MCTP1: variants seen among roughly 807,000 people sequenced by gnomAD.
MCTP1 encodes the protein multiple C2 and transmembrane domain containing 1.
A neutral mutation model predicts 120.6 loss-of-function variants in MCTP1; 69 were observed. The observed-to-expected ratio is 0.57, with a 90% CI of 0.47 to 0.70. The LOEUF is 0.70. Ranked by LOEUF, MCTP1 falls within the 30% of genes least tolerant of loss-of-function variation. The probability of loss-of-function intolerance (pLI) is 0.00; values close to 1 mark genes in which losing one functional copy is unlikely to be tolerated. For missense variants in MCTP1, 1,203 were observed against 1,248.8 expected (o/e 0.96, Z 0.55); for synonymous variants, 529 against 493.1 (o/e 1.07, Z -0.96).
chr5:95,265,342 A>G (rs914105714), intron 1 of MCTP1, among the ~76,000 whole-genome samples: 5 of 152,184 alleles, frequency 3.3e-5, no homozygotes, highest in African/African-American at 9.6e-5. Flanking sequence ...GCAAGGAGCT[A>G]TAAGTTAGGC....
At chr5:95,017,189 A>G (rs1380238293) in intron 2 of MCTP1, among the ~76,000 whole-genome samples, 178 bp downstream of exon 2, 1 of 152,142 alleles carries the variant, frequency 6.6e-6, no homozygotes, top group African/African-American at 2.4e-5. Context: ...ACTTGCATCA[A>G]AACGTCTTCC....
At chr5:94,720,965 G>A (rs1003105612) in intron 19 of MCTP1, among the ~76,000 whole-genome samples, 12 of 152,264 alleles carry the variant, frequency 7.9e-5, no homozygotes, top group African/African-American at 2.9e-4. Context: ...CTGAGGCTCA[G>A]GAAAAAGTGA....
Position 94,747,222 on chromosome 5 carries a change from CTGAT to C in MCTP1, c.2610+31884_2610+31887del, listed in dbSNP as rs536417048. Among the ~76,000 whole-genome samples the C allele has an allele frequency of 1.2e-3, 176 of 152,264 alleles. 1 individual carries two copies. The highest frequency in any genetic ancestry group is 4.1e-3 in the African/African-American group (169 of 41,542). The stretch of plus-strand genomic sequence containing the variant: ...CAAGTATTTTTTCTGTAATGGAAAA[CTGAT>C]TGCTACAATTCTGACAATGGTCATG... On this transcript the variant is annotated intron_variant, in intron 19 of 22. Transcript: ENST00000515393.
At chr5:95,072,529 T>C (rs1752461554) in intron 1 of MCTP1, among the ~76,000 whole-genome samples, 2 of 152,290 alleles carry the variant, frequency 1.3e-5, no homozygotes, top group African/African-American at 2.4e-5. Flanking sequence ...ATTGATCATG[T>C]GAAAATATTG....
intron 9 of MCTP1, among the ~76,000 whole-genome samples, chr5:94,910,614 A>C (rs536014408): frequency 3.3e-5 from 5 of 152,314 alleles, no homozygotes; most frequent in African/African-American, 1.2e-4. Context: ...AGATCAAGGA[A>C]AGAAAGAGCA....
chr5:94,831,426 C>T (rs1195961812), intron 17 of MCTP1, among the ~76,000 whole-genome samples: 2 of 152,158 alleles, frequency 1.3e-5, no homozygotes, highest in Non-Finnish European at 2.9e-5. Flanking sequence ...CTTGTTTTGT[C>T]TTTTGGAACT....
At chr5:95,210,299 G>A (rs887894921) in intron 1 of MCTP1, among the ~76,000 whole-genome samples, 12 of 151,880 alleles carry the variant, frequency 7.9e-5, no homozygotes, top group Admixed American at 3.3e-4. Flanking sequence ...TTATTATTGT[G>A]TGGGAGTCTA....
At chr5:95,046,539 A>T (rs901666040) in intron 1 of MCTP1, among the ~76,000 whole-genome samples, 1 of 152,166 alleles carries the variant, frequency 6.6e-6, no homozygotes, top group Non-Finnish European at 1.5e-5. Context: ...AGGACTAAAA[A>T]TTAAATGAAT....
intron 2 of MCTP1, among the ~76,000 whole-genome samples, chr5:94,963,903 G>A (rs1229072731): frequency 6.6e-6 from 1 of 152,088 alleles, no homozygotes; most frequent in Non-Finnish European, 1.5e-5. Flanking sequence ...CAATGTCAAG[G>A]AGCATTTTCT....
chr5:95,128,318 G>C (rs1415119222), intron 1 of MCTP1, among the ~76,000 whole-genome samples: 1 of 152,130 alleles, frequency 6.6e-6, no homozygotes, highest in East Asian at 1.9e-4. Flanking sequence ...ATATGACCGA[G>C]CAATTATATG....
At chr5:94,989,620 T>C (rs547253425) in intron 2 of MCTP1, among the ~76,000 whole-genome samples, 169 of 152,208 alleles carry the variant, frequency 1.1e-3, no homozygotes, top group Non-Finnish European at 2.1e-3. Context: ...AGTGTCTCTT[T>C]TTGTGTGTGA....
At position 95,084,624 on chromosome 5, in the gene MCTP1, C is replaced by A. The variant is rs80190698; in HGVS notation, c.721-67140G>T. Among the ~76,000 whole-genome samples the A allele has an allele frequency of 9.0e-3, 1,360 of 151,438 alleles. 27 individuals are homozygous for A. Among genetic ancestry groups the A allele is most frequent in the African/African-American group, 0.032 (1,306 of 41,254 alleles). On this transcript the variant is annotated intron_variant, in intron 1 of 22. Transcript: ENST00000515393. The stretch of plus-strand genomic sequence containing the variant: ...TGGATTTATTCAACTGCAAATATAT[C>A]AACAGTCCAATGTTTATAATAATAT...
chr5:95,018,843 C>G (rs1245796250), intron 1 of MCTP1, among the ~76,000 whole-genome samples: 1 of 151,994 alleles, frequency 6.6e-6, no homozygotes, highest in Non-Finnish European at 1.5e-5. Context: ...TTGGATCAGG[C>G]CTTCAAACAA....
At chr5:95,212,453 A>G (rs530871455) in intron 1 of MCTP1, among the ~76,000 whole-genome samples, 1 of 152,194 alleles carries the variant, frequency 6.6e-6, no homozygotes, top group Non-Finnish European at 1.5e-5. Flanking sequence ...AACTGGTACC[A>G]TTCCTTCTGA....
chr5:94,990,342 A>G (rs1172049947), intron 2 of MCTP1, among the ~76,000 whole-genome samples: 1 of 152,204 alleles, frequency 6.6e-6, no homozygotes, highest in African/African-American at 2.4e-5. Flanking sequence ...TTTAGCTGCA[A>G]TCAAGCCATC....
intron 7 of MCTP1, among the ~76,000 whole-genome samples, chr5:94,921,288 GT>G (rs1413868565): frequency 3.3e-5 from 5 of 152,146 alleles, no homozygotes; most frequent in Non-Finnish European, 7.4e-5. Context: ...AATAACAAAT[GT>G]TATGTTTTCA....
At position 94,953,230 on chromosome 5, in the gene MCTP1, A is replaced by G. The variant is rs368168385; in HGVS notation, c.970T>C (p.Leu324=). The G allele has an allele frequency of 6.2e-7, 1 of 1,610,542 alleles. No individual in the cohort carries two copies. The highest frequency in any genetic ancestry group is 8.5e-7 in the Non-Finnish European group (1 of 1,178,624). The change falls in exon 3 of 23, where the codon TTG becomes CTG. Residue 324 remains leucine (L), a synonymous_variant. Coordinates refer to ENST00000515393, the MANE Select transcript of MCTP1 (RefSeq NM_024717.7). ...CILVDHLREP[L]YIKVFDYDFG... ...AATAAATGGCTCACCTTTATATACA[A>G]TGGCTCCCTAAGATGATCAACCAGA...
chr5:94,708,781 C>A, intron 21 of MCTP1, 172 bp from the exon 22 acceptor site: 2 of 537,290 alleles, frequency 3.7e-6, no homozygotes, highest in Non-Finnish European at 6.7e-6. Context: ...GCTTTTTTTA[C>A]TTGTACCTTA....
At chr5:94,990,836 T>A (rs972866118) in intron 2 of MCTP1, among the ~76,000 whole-genome samples, 2 of 152,188 alleles carry the variant, frequency 1.3e-5, no homozygotes, top group African/African-American at 2.4e-5. Context: ...GGTTCTCCAG[T>A]CAGAGGTTCA....
Sources: gnomAD v4.1 joint callset for allele counts (sites outside exome capture counted in the v4.1 genomes callset) on GRCh38, gnomAD v4.1.1 for gene constraint, MANE v1.5 for transcripts, NCBI Gene and HGNC (gene_info 2026-07-23, HGNC 2026-07-21) for gene names.